MIB1: variants seen among roughly 807,000 people sequenced by gnomAD.
The protein encoded by MIB1 is MIB E3 ubiquitin protein ligase 1, also known as E3 ubiquitin-protein ligase MIB1.
Under a neutral mutation model 124.5 loss-of-function variants are expected in MIB1, and 278 were observed. The observed-to-expected ratio is 2.23, with a 90% CI of 2.02 to 2.47. MIB1 has a LOEUF of 2.47. MIB1 is among the 30% of genes most tolerant of loss of function. The pLI, the probability that MIB1 is intolerant of heterozygous loss-of-function variation, is 0.00. For missense variants in MIB1, 957 were observed against 1,254.4 expected, an observed-to-expected ratio of 0.76 and a Z score of 3.58; for synonymous variants, 446 against 429.4, an observed-to-expected ratio of 1.04 and a Z score of -0.48.
chr18:21,791,519 C>T lies in MIB1; in HGVS notation c.1054C>T (p.Gln352Ter), dbSNP rs1283643998. 1 of 1,613,734 alleles carries T rather than the reference C, an allele frequency of 6.2e-7. No homozygotes were observed. The highest frequency in any genetic ancestry group is 1.7e-5 in the Admixed American group (1 of 59,970). ...CYDLERIKLL[Q>*]RGHGEWAEAM... ...TGACCTGGAACGAATTAAACTTCTA[C>T]AAAGAGGACATGGAGAATGGGCTGA... Residue 352 changes from glutamine to a stop codon, truncating the protein, a stop_gained, in exon 7 of 21, where the codon CAA (glutamine) becomes TAA (stop). Coordinates refer to ENST00000261537, the MANE Select transcript of MIB1 (RefSeq NM_020774.4). LOFTEE classifies it high-confidence loss of function.
At chr18:21,858,486 T>C in intron 19 of MIB1, 60 bp from the exon 20 acceptor site, 1 of 797,782 alleles carries the variant, frequency 1.3e-6, no homozygotes, top group East Asian at 2.5e-5. Context: ...TATTTTATTT[T>C]ATAAATGTCA....
chr18:21,742,937 A>G (rs1020318963), intron 1 of MIB1, among the ~76,000 whole-genome samples: 20 of 152,142 alleles, frequency 1.3e-4, no homozygotes, highest in Non-Finnish European at 2.5e-4. Flanking sequence ...CTTTTTAAAA[A>G]CATTTATTAA....
intron 1 of MIB1, among the ~76,000 whole-genome samples, chr18:21,710,890 G>A (rs1218643700): frequency 1.4e-5 from 2 of 141,974 alleles, no homozygotes; most frequent in African/African-American, 2.7e-5. Flanking sequence ...GCAGTGGCAC[G>A]ATCTTGGCTC....
rs1392975255 is a variant in MIB1, at chr18:21,721,174, T to G, written n.167+16051T>G. Among the ~76,000 whole-genome samples the G allele has an allele frequency of 2.1e-3, 219 of 105,652 alleles. 2 individuals carry two copies. Among genetic ancestry groups the G allele is most frequent in the Middle Eastern group, 7.9e-3 (2 of 252 alleles). 69.3% of individuals were successfully genotyped at this position (105,652 alleles called of 152,430 possible). On this transcript the variant is annotated intron_variant and non_coding_transcript_variant, in intron 1 of 20. Coordinates refer to the MIB1 transcript ENST00000578646. ...TTTTAAAGAAGTTTTTTTTTTTTTT[T>G]TTTTTTTTTTTTTTTTTTTTTTTTG...
chr18:21,858,871 T>C (rs2042250437), intron 20 of MIB1, among the ~76,000 whole-genome samples: 1 of 152,078 alleles, frequency 6.6e-6, no homozygotes, highest in Admixed American at 6.6e-5. Context: ...CCAACCACAT[T>C]AGTGATCAGG....
rs2042329571 is a variant in MIB1 at position 21,867,608 on chromosome 18, C to T, written c.*2942C>T. On this transcript the variant is annotated 3_prime_UTR_variant, in exon 21 of 21. Coordinates refer to ENST00000261537, the MANE Select transcript of MIB1 (RefSeq NM_020774.4). ...GTAACTTTAAACATTGCAAATTGACCAGCTAGCTATGGAAGCATAAAATTA... is the reference window on the plus strand; with the variant it reads ...GTAACTTTAAACATTGCAAATTGACTAGCTAGCTATGGAAGCATAAAATTA... 6.6e-6 allele frequency: 1 copy of T among 152,462 alleles called. No individual in the cohort carries two copies. The highest frequency in any genetic ancestry group is 2.4e-5 in the African/African-American group (1 of 41,406). 9.4% of individuals were successfully genotyped at this position (152,462 alleles called of 1,614,324 possible).
intron 1 of MIB1, among the ~76,000 whole-genome samples, chr18:21,760,192 A>C (rs1049811244): frequency 6.6e-6 from 1 of 152,226 alleles, no homozygotes; most frequent in Non-Finnish European, 1.5e-5. Context: ...AAATTTTATG[A>C]AATAAAAATT....
intron 10 of MIB1, among the ~76,000 whole-genome samples, chr18:21,810,794 A>G (rs1447387050): frequency 6.6e-6 from 1 of 152,048 alleles, no homozygotes; most frequent in African/African-American, 2.4e-5. Flanking sequence ...GAAGAAAAAG[A>G]GGGCAAAAAC....
chr18:21,815,752 A>G lies in MIB1; in HGVS notation c.1616A>G (p.Asn539Ser). The G allele has an allele frequency of 6.2e-7, 1 of 1,614,160 alleles. No individual in the cohort carries two copies. Among genetic ancestry groups the G allele is most frequent in the Non-Finnish European group, 8.5e-7 (1 of 1,180,012 alleles). ...CAGACACCACTTCATATTGCTGTCA[A>G]TAAAGGTCATCTTCAAGTTGTGAAG... is the stretch of plus-strand genomic sequence containing the variant. Reference protein sequence around the residue: ...RRQTPLHIAVNKGHLQVVKTL... With the variant: ...RRQTPLHIAVSKGHLQVVKTL... Residue 539 changes from asparagine (N) to serine (S), a missense_variant, in exon 11 of 21, where the codon AAT becomes AGT. Asn to Ser is a conservative substitution (Grantham distance 46, BLOSUM62 1). Coordinates refer to ENST00000261537, the MANE Select transcript of MIB1 (RefSeq NM_020774.4).
rs539484789 is a variant in MIB1, at chr18:21,717,970, T to C, written n.167+12847T>C. Among the ~76,000 whole-genome samples the C allele has an allele frequency of 4.6e-5, 7 of 152,270 alleles. No individual in the cohort carries two copies. In the South Asian group the frequency reaches 8.3e-4, roughly 18 times the overall value. ...ATGTTTATAGCAGCACAATTCACAA[T>C]TGTAAAAATATAGAACCAACCCAAA... On this transcript the variant is annotated intron_variant and non_coding_transcript_variant, in intron 1 of 20. Coordinates refer to the MIB1 transcript ENST00000578646.
intron 12 of MIB1, among the ~76,000 whole-genome samples, chr18:21,835,098 A>G (rs1213650958): frequency 1.3e-5 from 2 of 152,240 alleles, no homozygotes; most frequent in African/African-American, 4.8e-5. Context: ...TCCACAGCTT[A>G]GTAAATCAAG....
intron 1 of MIB1, among the ~76,000 whole-genome samples, chr18:21,716,687 TA>T (rs1469920956): frequency 1.3e-5 from 2 of 152,082 alleles, no homozygotes; most frequent in Non-Finnish European, 2.9e-5. Context: ...CTGTGTCTAC[TA>T]AAAATACAAA....
rs1211628257 is a variant in MIB1 at position 21,844,224 on chromosome 18, G to T, written c.2182G>T (p.Asp728Tyr). ...AGATATGCAAGATGTGGGGAAGGTGGATGCTGCCTGGGAGCCATCCAAAAA... is the reference window on the plus strand; with the variant it reads ...AGATATGCAAGATGTGGGGAAGGTGTATGCTGCCTGGGAGCCATCCAAAAA... The part of the protein sequence containing the change: ...LQDMQDVGKV[D>Y]AAWEPSKNTL... Residue 728 changes from aspartate (D) to tyrosine (Y), a missense_variant, in exon 15 of 21, where the codon GAT becomes TAT. Coordinates refer to ENST00000261537, the MANE Select transcript of MIB1 (RefSeq NM_020774.4). 1 of 1,614,000 alleles carries T rather than the reference G, an allele frequency of 6.2e-7. No homozygotes were observed. Among genetic ancestry groups the T allele is most frequent in the Non-Finnish European group, 8.5e-7 (1 of 1,179,992 alleles).
chr18:21,865,638 CT>C lies in MIB1; in HGVS notation c.*976del, dbSNP rs1200241304. The C allele has an allele frequency of 2.0e-5, 3 of 152,668 alleles. No individual in the cohort carries two copies. The East Asian group carries it at 5.8e-4, about 29-fold the overall frequency. The allele number at this position is 152,668 out of a possible 1,614,324, so 9.5% of individuals were successfully genotyped here. ...TCCCAGTGATCTGCAAAATTAATGC[CT>C]TTTCCAAGAAAAAATCTTTTCTTCT... On this transcript the variant is annotated 3_prime_UTR_variant, in exon 21 of 21. Transcript: ENST00000261537.
At chr18:21,753,292 G>A (rs1312252539) in intron 1 of MIB1, among the ~76,000 whole-genome samples, 4 of 151,714 alleles carry the variant, frequency 2.6e-5, no homozygotes, top group Non-Finnish European at 4.4e-5. Flanking sequence ...AGGTTCAAGC[G>A]ATTCTCCTGC....
At chr18:21,731,475 T>C (rs1221842453) in intron 1 of MIB1, among the ~76,000 whole-genome samples, 2 of 152,180 alleles carry the variant, frequency 1.3e-5, no homozygotes, top group Non-Finnish European at 2.9e-5. Context: ...GGCTCATGCC[T>C]GTAATCCCAG....
At chr18:21,826,594 A>G (rs2041926421) in intron 12 of MIB1, 1 of 152,078 alleles carries the variant, frequency 6.6e-6, no homozygotes, top group South Asian at 2.1e-4. Flanking sequence ...CAAGTATTAA[A>G]ATCTATTGTG....
intron 1 of MIB1, among the ~76,000 whole-genome samples, chr18:21,755,631 A>G (rs1327615666): frequency 2.0e-5 from 3 of 152,202 alleles, no homozygotes; most frequent in Non-Finnish European, 4.4e-5. Context: ...TGGCTTTTAT[A>G]AAATGGACTT....
chr18:21,830,636 A>G (rs2041970345), intron 12 of MIB1: 1 of 152,146 alleles, frequency 6.6e-6, no homozygotes, highest in Non-Finnish European at 1.5e-5. Flanking sequence ...GCTTAGTGTC[A>G]TGCAGCATTT....
Sources: gnomAD v4.1 joint callset for allele counts (sites outside exome capture counted in the v4.1 genomes callset) on GRCh38, gnomAD v4.1.1 for gene constraint, MANE v1.5 for transcripts, NCBI Gene and HGNC (gene_info 2026-07-23, HGNC 2026-07-21) for gene names.